The following NMNAT2 variants were observed in gnomAD, a reference collection of about 807,000 sequenced individuals.
The protein encoded by NMNAT2 is nicotinamide nucleotide adenylyltransferase 2.
NMNAT2 carries 11 observed loss-of-function variants against 41.6 expected under a neutral mutation model. The observed-to-expected ratio is 0.26, with a 90% CI of 0.17 to 0.44. The LOEUF is 0.44. NMNAT2 is among the 20% of genes least tolerant of loss of function. The pLI, the probability that NMNAT2 is intolerant of heterozygous loss-of-function variation, is 1.00. For synonymous variants in NMNAT2, 148 were observed against 151.2 expected, an observed-to-expected ratio of 0.98 and a Z score of 0.16; for missense variants, 288 against 407.7, an observed-to-expected ratio of 0.71 and a Z score of 2.53.
intron 1 of NMNAT2, among the ~76,000 whole-genome samples, chr1:183,385,996 TG>T (rs1648232270): frequency 6.6e-6 from 1 of 152,136 alleles, no homozygotes; most frequent in Admixed American, 6.5e-5. Context: ...AGAAGGGAAC[TG>T]GGCCACAATG....
At chr1:183,268,094 G>A (rs1326950251) in intron 8 of NMNAT2, among the ~76,000 whole-genome samples, 2 of 152,132 alleles carry the variant, frequency 1.3e-5, no homozygotes, top group Non-Finnish European at 2.9e-5. Context: ...ATGTGGGAGG[G>A]GGTAGACTCT....
intron 8 of NMNAT2, among the ~76,000 whole-genome samples, chr1:183,269,118 T>C (rs1660914925): frequency 6.6e-6 from 1 of 152,068 alleles, no homozygotes; most frequent in Non-Finnish European, 1.5e-5. Flanking sequence ...TTAAGTACAA[T>C]ATTGATTATA....
At chr1:183,360,459 A>G (rs1557889121) in intron 1 of NMNAT2, among the ~76,000 whole-genome samples, 1 of 151,610 alleles carries the variant, frequency 6.6e-6, no homozygotes, top group Non-Finnish European at 1.5e-5. Flanking sequence ...AATAATTGAA[A>G]TTTTCAGACA....
At chr1:183,330,548 A>T (rs1662560264) in intron 1 of NMNAT2, among the ~76,000 whole-genome samples, 1 of 152,106 alleles carries the variant, frequency 6.6e-6, no homozygotes, top group South Asian at 2.1e-4. Context: ...CCATGCCTTC[A>T]CTAGGTGAGA....
At chr1:183,281,037 G>A (rs1347239949) in intron 7 of NMNAT2, among the ~76,000 whole-genome samples, 5 of 151,944 alleles carry the variant, frequency 3.3e-5, no homozygotes, top group Admixed American at 6.5e-5. Context: ...CGCCAGCCTC[G>A]GCCTCCCAAA....
intron 1 of NMNAT2, among the ~76,000 whole-genome samples, chr1:183,397,922 G>A (rs533710314): frequency 1.3e-5 from 2 of 152,278 alleles, no homozygotes; most frequent in Admixed American, 6.5e-5. Flanking sequence ...ACTAAACATG[G>A]AAAGGAACAA....
chr1:183,323,026 G>C (rs1417057049), intron 1 of NMNAT2, among the ~76,000 whole-genome samples: 3 of 152,142 alleles, frequency 2.0e-5, no homozygotes, highest in East Asian at 1.9e-4. Flanking sequence ...CCGCCTCCCA[G>C]GTTCAAATGA....
chr1:183,311,037 G>A (rs1662105592), intron 1 of NMNAT2, among the ~76,000 whole-genome samples: 1 of 152,190 alleles, frequency 6.6e-6, no homozygotes, highest in Non-Finnish European at 1.5e-5. Flanking sequence ...CTCACCCTGT[G>A]AGGCTGCTTA....
At position 183,250,596 on chromosome 1, in the gene NMNAT2, C is replaced by G. The variant is rs1170197545; in HGVS notation, c.*2045G>C. On this transcript the variant is annotated 3_prime_UTR_variant, in exon 11 of 11. Transcript: ENST00000287713. ...TCAGGCCCTACACCTGCTGGCTGAC[C>G]TGGACCAGCCATTTAATCCCATGGG... 1 of 152,612 alleles carries G rather than the reference C, an allele frequency of 6.6e-6. No individual in the cohort carries two copies. The highest frequency in any genetic ancestry group is 1.5e-5 in the Non-Finnish European group (1 of 68,036). 9.5% of individuals were successfully genotyped at this position (152,612 alleles called of 1,614,324 possible).
At chr1:183,289,937 G>T (rs549669740) in intron 4 of NMNAT2, among the ~76,000 whole-genome samples, 191 bp downstream of exon 4, 2 of 152,348 alleles carry the variant, frequency 1.3e-5, no homozygotes, top group East Asian at 3.9e-4. Flanking sequence ...GCTACTCGGG[G>T]TTCCTCATTC....
chr1:183,385,208 AAAC>A (rs1382907535), intron 1 of NMNAT2, among the ~76,000 whole-genome samples: 5 of 152,224 alleles, frequency 3.3e-5, no homozygotes, highest in East Asian at 1.9e-4. Context: ...TCTCTAAAAA[AAAC>A]AACAAAATAT....
At chr1:183,377,345 G>A (rs1663702491) in intron 1 of NMNAT2, among the ~76,000 whole-genome samples, 1 of 152,044 alleles carries the variant, frequency 6.6e-6, no homozygotes, top group African/African-American at 2.4e-5. Context: ...CAAGCATCAA[G>A]TAAAAACATC....
chr1:183,288,199 G>A (rs1661443436), intron 4 of NMNAT2, among the ~76,000 whole-genome samples: 1 of 152,214 alleles, frequency 6.6e-6, no homozygotes, highest in Non-Finnish European at 1.5e-5. Flanking sequence ...CTGAGAAGTA[G>A]AAAATGGCTG....
chr1:183,307,594 C>G (rs962431016), intron 1 of NMNAT2, among the ~76,000 whole-genome samples: 4 of 152,208 alleles, frequency 2.6e-5, no homozygotes, highest in Middle Eastern at 3.4e-3. Flanking sequence ...AGGCTCCCAC[C>G]ACCACACCTG....
At chr1:183,287,817 CT>C (rs1359579118) in intron 4 of NMNAT2, among the ~76,000 whole-genome samples, 2 of 152,226 alleles carry the variant, frequency 1.3e-5, no homozygotes, top group East Asian at 3.8e-4. Flanking sequence ...AGGCCCAAGG[CT>C]GGGGTGATCT....
intron 1 of NMNAT2, among the ~76,000 whole-genome samples, chr1:183,379,058 C>A (rs1179386154): frequency 1.3e-5 from 1 of 79,410 alleles, no homozygotes; most frequent in African/African-American, 4.1e-5. Context: ...ATATCTATAT[C>A]TATATCTATA....
chr1:183,389,788 G>C (rs999414661), intron 1 of NMNAT2, among the ~76,000 whole-genome samples: 1 of 61,794 alleles, frequency 1.6e-5, no homozygotes. Context: ...AAGAAAGAAA[G>C]AAAGAAAGAA....
chr1:183,406,466 A>G (rs2702183), intron 1 of NMNAT2, among the ~76,000 whole-genome samples: 108,418 of 152,042 alleles, frequency 0.71, 38,795 homozygotes, highest in East Asian at 0.91. Flanking sequence ...GGACAATCTT[A>G]AAAAAAGTGC....
At chr1:183,257,255 A>G (rs1660540362) in intron 10 of NMNAT2, among the ~76,000 whole-genome samples, 1 of 152,008 alleles carries the variant, frequency 6.6e-6, no homozygotes, top group African/African-American at 2.4e-5. Flanking sequence ...AGCCTGGCCA[A>G]CATAGTAAAA....
Sources: allele counts gnomAD v4.1 joint callset (sites outside exome capture counted in the v4.1 genomes callset), GRCh38; gene constraint gnomAD v4.1.1; transcripts MANE v1.5; gene names NCBI Gene and HGNC (gene_info 2026-07-23, HGNC 2026-07-21).